DENND2B: variants seen among roughly 807,000 people sequenced by gnomAD.
The protein encoded by DENND2B is DENN domain containing 2B, also known as DENN domain-containing protein 2B.
A neutral mutation model predicts 116.0 loss-of-function variants in DENND2B; 32 were observed. The observed-to-expected ratio is 0.28, with a 90% confidence interval of 0.21 to 0.37. The LOEUF is 0.37. DENND2B is among the 10% of genes least tolerant of loss of function. The pLI, the probability that DENND2B is intolerant of heterozygous loss-of-function variation, is 1.00. For missense variants in DENND2B, 1,276 were observed against 1,477.7 expected, an observed-to-expected ratio of 0.86 and a Z score of 2.24; for synonymous variants, 588 against 583.9, an observed-to-expected ratio of 1.01 and a Z score of -0.10.
In DENND2B at chr11:8,698,991, T is replaced by C. The variant is rs748937438; in HGVS notation, c.2899-17A>G. On this transcript the variant is annotated splice_polypyrimidine_tract_variant and intron_variant, in intron 15 of 19. Transcript: ENST00000313726. The stretch of plus-strand genomic sequence containing the variant: ...CATCAGCGCCTGAGAAAAGGAGTCA[T>C]TAGCAGAGTGGCTCAGGGCATGAGT... The C allele has an allele frequency of 1.9e-6, 3 of 1,614,040 alleles. No individual in the cohort carries two copies. Among genetic ancestry groups the C allele is most frequent in the Admixed American group, 1.7e-5 (1 of 60,018 alleles).
intron 1 of DENND2B, among the ~76,000 whole-genome samples, chr11:8,884,596 G>A (rs970175293): frequency 2.0e-5 from 3 of 152,190 alleles, no homozygotes; most frequent in African/African-American, 2.4e-5. Flanking sequence ...TTCAGTGATC[G>A]ATGGTTACAG....
At chr11:8,889,635 T>C (rs1347647537) in intron 1 of DENND2B, among the ~76,000 whole-genome samples, 1 of 152,226 alleles carries the variant, frequency 6.6e-6, no homozygotes, top group Admixed American at 6.5e-5. Flanking sequence ...CCATGGAGCC[T>C]GGCTCATTGC....
At chr11:8,889,602 A>G (rs1489457127) in intron 1 of DENND2B, among the ~76,000 whole-genome samples, 3 of 152,240 alleles carry the variant, frequency 2.0e-5, no homozygotes, top group African/African-American at 7.2e-5. Flanking sequence ...TATATCCCGC[A>G]CATGGCTCGG....
chr11:8,799,922 TTATTA>T lies in DENND2B; in HGVS notation c.-26+10590_-26+10594del, dbSNP rs1565976210. Among the ~76,000 whole-genome samples the T allele has an allele frequency of 0.022, 30 of 1,372 alleles. 1 individual carries two copies. The South Asian group carries it at 0.39, about 18-fold the overall frequency. 0.9% of individuals were successfully genotyped at this position (1,372 alleles called of 152,430 possible). ...GTCCTCAGTCTTCACCATGTATTTA[TTATTA>T]TTATTATTATTATTATTATTATTAT... On this transcript the variant is annotated intron_variant, in intron 1 of 19. Transcript: ENST00000313726.
At chr11:8,720,411 A>C (rs756939470) in intron 4 of DENND2B, among the ~76,000 whole-genome samples, 2 of 152,212 alleles carry the variant, frequency 1.3e-5, no homozygotes, top group Non-Finnish European at 1.5e-5. Context: ...CATCACTGAC[A>C]ACCCAGGGGA....
intron 1 of DENND2B, chr11:8,794,978 A>T (rs1387379290): frequency 6.6e-6 from 1 of 152,254 alleles, no homozygotes; most frequent in African/African-American, 2.4e-5. Flanking sequence ...AATCAACAGA[A>T]CACATTCTGT....
At chr11:8,863,221 C>A (rs971761361) in intron 2 of DENND2B, among the ~76,000 whole-genome samples, 1 of 151,068 alleles carries the variant, frequency 6.6e-6, no homozygotes, top group Non-Finnish European at 1.5e-5. Context: ...TATAAAGTGG[C>A]CTCTACCCAC....
At chr11:8,851,305 ATTAT>A (rs1024341214) in intron 3 of DENND2B, among the ~76,000 whole-genome samples, 2 of 152,144 alleles carry the variant, frequency 1.3e-5, no homozygotes, top group African/African-American at 4.8e-5. Flanking sequence ...AATATATACA[ATTAT>A]TTGTCAATTT....
chr11:8,909,423 A>G (rs2064282734), intron 1 of DENND2B, among the ~76,000 whole-genome samples: 1 of 42,458 alleles, frequency 2.4e-5, no homozygotes, highest in South Asian at 2.5e-3. Flanking sequence ...GAGGAAGAGG[A>G]AGGAGGAGGA....
chr11:8,721,393 G>A (rs2046147697), intron 4 of DENND2B, among the ~76,000 whole-genome samples: 1 of 152,068 alleles, frequency 6.6e-6, no homozygotes, highest in South Asian at 2.1e-4. Context: ...AACCAGTTAG[G>A]AAAGGGGTGT....
chr11:8,872,498 A>AG (rs1293608085), upstream of DENND2B, among the ~76,000 whole-genome samples: 8 of 151,762 alleles, frequency 5.3e-5, no homozygotes, highest in East Asian at 1.9e-4. Context: ...AAAAAAAAAA[A>AG]AAAAGAAAAA....
chr11:8,720,463 C>T (rs1229728231), intron 4 of DENND2B, among the ~76,000 whole-genome samples: 1 of 152,220 alleles, frequency 6.6e-6, no homozygotes, highest in Non-Finnish European at 1.5e-5. Context: ...GGTCCTGTCT[C>T]TGGAAACTCA....
At chr11:8,845,665 T>C (rs140194327) in intron 3 of DENND2B, among the ~76,000 whole-genome samples, 22 of 152,270 alleles carry the variant, frequency 1.4e-4, no homozygotes, top group Non-Finnish European at 2.6e-4. Context: ...AGAAGAGTGA[T>C]TGAGAAAGGA....
chr11:8,865,982 C>T (rs994082544), intron 2 of DENND2B, among the ~76,000 whole-genome samples: 4 of 151,664 alleles, frequency 2.6e-5, no homozygotes, highest in Admixed American at 6.6e-5. Context: ...TATTTTGAGA[C>T]GGAGTCTCGC....
rs371338834 is a variant in DENND2B at position 8,846,621 on chromosome 11, C to A, written c.-155-7271G>T. On this transcript the variant is annotated intron_variant, in intron 3 of 6. Coordinates refer to the DENND2B transcript ENST00000524757. ...TCCTCTGTGCCCCAGAGTAGTCCTCCCAGTTAAAGTCCCCTTTCTCGTTCT... is the reference window on the plus strand; with the variant it reads ...TCCTCTGTGCCCCAGAGTAGTCCTCACAGTTAAAGTCCCCTTTCTCGTTCT... 1.1e-4 allele frequency among the ~76,000 whole-genome samples: 17 copies of A among 152,278 alleles called. 1 individual carries two copies. The South Asian group carries it at 3.5e-3, about 32-fold the overall frequency.
chr11:8,773,874 A>C (rs1008303984), intron 1 of DENND2B, among the ~76,000 whole-genome samples: 1 of 152,198 alleles, frequency 6.6e-6, no homozygotes, highest in African/African-American at 2.4e-5. Flanking sequence ...CTGTTCTGTA[A>C]ATCTGAAACT....
chr11:8,854,147 G>A (rs915190016), intron 3 of DENND2B, among the ~76,000 whole-genome samples: 1 of 145,672 alleles, frequency 6.9e-6, no homozygotes, highest in African/African-American at 2.5e-5. Context: ...GATTACAGGT[G>A]TGAACCACCA....
intron 2 of DENND2B, among the ~76,000 whole-genome samples, chr11:8,864,625 A>G (rs2063516414): frequency 6.6e-6 from 1 of 152,192 alleles, no homozygotes; most frequent in Non-Finnish European, 1.5e-5. Flanking sequence ...CCTAACATTA[A>G]GCATATTCAC....
At chr11:8,821,314 C>A (rs906957380) in intron 4 of DENND2B, among the ~76,000 whole-genome samples, 7 of 151,352 alleles carry the variant, frequency 4.6e-5, no homozygotes, top group African/African-American at 1.5e-4. Flanking sequence ...TAAAAATTAA[C>A]TAGCTGGCTC....
Sources: gnomAD v4.1 joint callset for allele counts (sites outside exome capture counted in the v4.1 genomes callset) on GRCh38, gnomAD v4.1.1 for gene constraint, MANE v1.5 for transcripts, NCBI Gene and HGNC (gene_info 2026-07-23, HGNC 2026-07-21) for gene names.